Variants in RANGAP1 observed in about 807,000 individuals in gnomAD.
RANGAP1 encodes ran GTPase-activating protein 1.
In RANGAP1, 38 loss-of-function variants were observed where a neutral mutation model predicts 63.5. The observed-to-expected ratio is 0.60, with a 90% CI of 0.46 to 0.78. RANGAP1 has a LOEUF of 0.78. RANGAP1 is among the 30% of genes least tolerant of loss of function. The pLI, the probability that RANGAP1 is intolerant of heterozygous loss-of-function variation, is 0.00. For synonymous variants in RANGAP1, 329 were observed against 310.5 expected, an observed-to-expected ratio of 1.06 and a Z score of -0.63; for missense variants, 630 against 740.3, an observed-to-expected ratio of 0.85 and a Z score of 1.73.
chr22:41,277,915 C>G (rs1252236154), intron 2 of RANGAP1, among the ~76,000 whole-genome samples: 3 of 152,086 alleles, frequency 2.0e-5, no homozygotes, highest in Non-Finnish European at 2.9e-5. Flanking sequence ...AGATTTGCTG[C>G]TTCTTAGGAG....
chr22:41,293,973 T>G, the RANGAP1 span, among the ~76,000 whole-genome samples: 1 of 151,888 alleles, frequency 6.6e-6, no homozygotes, highest in Non-Finnish European at 1.5e-5. Context: ...CACCTAACTT[T>G]TTCGTTAAAA....
At chr22:41,299,375 A>G in the RANGAP1 span, among the ~76,000 whole-genome samples, 1 of 151,104 alleles carries the variant, frequency 6.6e-6, no homozygotes, top group East Asian at 2.0e-4. Context: ...CTTGTGATCC[A>G]CCCGCCTCGG....
At chr22:41,271,329 A>T (rs560173770) in intron 3 of RANGAP1, among the ~76,000 whole-genome samples, 3 of 148,658 alleles carry the variant, frequency 2.0e-5, no homozygotes, top group African/African-American at 7.3e-5. Context: ...GCAAGGCTGC[A>T]GCAAGCTATG....
rs775500500 is a variant in RANGAP1, at chr22:41,264,784, G to A, written c.360C>T (p.Ser120=). The A allele has an allele frequency of 2.4e-5, 39 of 1,613,780 alleles. No individual in the cohort carries two copies. Among genetic ancestry groups the A allele is most frequent in the Admixed American group, 2.0e-4 (12 of 60,000 alleles). The change falls in exon 5 of 16, where the codon AGC becomes AGT. Residue 120 remains serine, a synonymous_variant. Coordinates refer to ENST00000356244, the MANE Select transcript of RANGAP1 (RefSeq NM_002883.4). ...AGAQLVELDL[S]DNAFGPDGVQ... is the part of the protein sequence containing the mutation. ...CACCGTCGGGCCCGAATGCGTTGTC[G>A]CTTAAGTCCAGCTCCACCAGCTGAG...
At chr22:41,282,975 T>TC (rs1162633607) in intron 1 of RANGAP1, among the ~76,000 whole-genome samples, 1 of 152,126 alleles carries the variant, frequency 6.6e-6, no homozygotes, top group Non-Finnish European at 1.5e-5. Context: ...CCCTGAATCC[T>TC]CCCACCCCTA....
the RANGAP1 span, among the ~76,000 whole-genome samples, chr22:41,293,420 A>C: frequency 1.3e-5 from 2 of 151,944 alleles, no homozygotes; most frequent in Non-Finnish European, 2.9e-5. Context: ...TCAAAAGTAA[A>C]TAAATAAATA....
At position 41,258,100 on chromosome 22, in the gene RANGAP1, C is replaced by T. The variant is rs748859568; in HGVS notation, c.622G>A (p.Gly208Arg). 38 of 1,605,278 alleles carry T rather than the reference C, an allele frequency of 2.4e-5. No individual in the cohort carries two copies. Among genetic ancestry groups the T allele is most frequent in the Admixed American group, 1.9e-4 (11 of 59,292 alleles). Residue 208 changes from glycine (G) to arginine (R), a missense_variant, in exon 7 of 16, where the codon GGG becomes AGG. By Grantham distance (125) the Gly-to-Arg change is moderately radical. Around this residue, in one of 3 missense-constraint regions of RANGAP1, gnomAD observed 137 missense variants for 214.3 expected, o/e 0.64. Transcript: ENST00000356244. ...TALAEAFRVI[G>R]TLEEVHMPQN... The stretch of plus-strand genomic sequence containing the variant: ...GGCATGTGGACCTCCTCCAGGGTCC[C>T]GATGACCTGTGAAGAGGAGGCAGAG...
At position 41,252,949 on chromosome 22, in the gene RANGAP1, A is replaced by C. The variant is rs763423763; in HGVS notation, c.1303T>G (p.Ser435Ala). 1.9e-6 allele frequency: 3 copies of C among 1,547,132 alleles called. No homozygotes were observed. In the East Asian group the frequency reaches 7.6e-5, roughly 39 times the overall value. ...VLSSPPPADV[S>A]TFLAFPSPEK... ...GGAGAGGGAAAAGCCAGGAAGGTGGAGACGTCTGCAGGAGGTGGGGAGGAC... is the reference window on the plus strand; with the variant it reads ...GGAGAGGGAAAAGCCAGGAAGGTGGCGACGTCTGCAGGAGGTGGGGAGGAC... The change falls in exon 12 of 16, where the codon TCC (serine) becomes GCC (alanine). Residue 435 changes from serine (S) to alanine (A), a missense_variant. Physicochemically the swap from Ser to Ala is moderately conservative, Grantham distance 99. Coordinates refer to ENST00000356244, the MANE Select transcript of RANGAP1 (RefSeq NM_002883.4).
At chr22:41,278,828 C>A (rs887258877) in intron 2 of RANGAP1, among the ~76,000 whole-genome samples, 16 of 152,190 alleles carry the variant, frequency 1.1e-4, no homozygotes, top group African/African-American at 2.9e-4. Flanking sequence ...TGGCAAAACC[C>A]CGTCTCTACT....
chr22:41,270,516 C>T (rs577387889), intron 3 of RANGAP1, among the ~76,000 whole-genome samples: 7 of 152,282 alleles, frequency 4.6e-5, no homozygotes, highest in African/African-American at 1.2e-4. Flanking sequence ...CATGCAAACA[C>T]GGCTCACTGC....
rs2033883085 is a variant in RANGAP1 at position 41,257,005 on chromosome 22, C to T, written c.775-181G>A. On this transcript the variant is annotated intron_variant, in intron 7 of 15. Coordinates refer to ENST00000356244, the MANE Select transcript of RANGAP1 (RefSeq NM_002883.4). This position sits in a 1 kb window ranked among gnomAD's most constrained non-coding sequence, Gnocchi z 4.0. ...TCTGGGCCCCTGGCCAAACCTCCTC[C>T]ACCCCTCCCCATGTTACGGCCAGAA... 6.6e-6 allele frequency among the ~76,000 whole-genome samples: 1 copy of T among 151,902 alleles called. No homozygotes were observed. Among genetic ancestry groups the T allele is most frequent in the South Asian group, 2.1e-4 (1 of 4,812 alleles).
At chr22:41,284,888 C>T (rs1270390883) in intron 1 of RANGAP1, 1 of 152,166 alleles carries the variant, frequency 6.6e-6, no homozygotes, top group Non-Finnish European at 1.5e-5. Flanking sequence ...CAGCCCAGTG[C>T]AATAACTCAC....
chr22:41,252,853 G>C lies in RANGAP1; in HGVS notation c.1380+19C>G. On this transcript the variant is annotated intron_variant, in intron 12 of 15. Coordinates refer to ENST00000356244, the MANE Select transcript of RANGAP1 (RefSeq NM_002883.4). ...AAGCCACAGCACGTACAGCGTGGGG[G>C]TCGAGGGGTGGTTATTACCTGCTGG... The C allele has an allele frequency of 6.4e-7, 1 of 1,563,436 alleles. No individual in the cohort carries two copies. Among genetic ancestry groups the C allele is most frequent in the Non-Finnish European group, 8.6e-7 (1 of 1,156,266 alleles).
Position 41,257,060 on chromosome 22 carries a change from C to T in RANGAP1, c.775-236G>A, listed in dbSNP as rs2033886525. The stretch of plus-strand genomic sequence containing the variant: ...TCCTGAGACCAACCAAGCAAGGTTC[C>T]TGCTGAGCATCCGGGTCTTCCACAC... On this transcript the variant is annotated intron_variant, in intron 7 of 15. Coordinates refer to ENST00000356244, the MANE Select transcript of RANGAP1 (RefSeq NM_002883.4). The surrounding 1 kb of genome is among the most constrained non-coding windows in gnomAD (Gnocchi z 4.0). 6.6e-6 allele frequency among the ~76,000 whole-genome samples: 1 copy of T among 152,058 alleles called. No homozygotes were observed. Among genetic ancestry groups the T allele is most frequent in the South Asian group, 2.1e-4 (1 of 4,822 alleles).
rs144343100 is a variant in RANGAP1 at position 41,258,060 on chromosome 22, T to A, written c.662A>T (p.Asn221Ile). 2.5e-6 allele frequency: 4 copies of A among 1,613,282 alleles called. No individual in the cohort carries two copies. The highest frequency in any genetic ancestry group is 1.3e-5 in the African/African-American group (1 of 74,908). ...GGCCAGGGCAGTGATGCCAGGGTGG[T>A]TGATCCCATTCTGTGGCATGTGGAC... is the stretch of plus-strand genomic sequence containing the variant. Reference protein sequence around the residue: ...EEVHMPQNGINHPGITALAQA... With the variant: ...EEVHMPQNGIIHPGITALAQA... Residue 221 changes from asparagine (N) to isoleucine (I), a missense_variant, in exon 7 of 16, where the codon AAC becomes ATC. This residue lies in a region of RANGAP1 where 428 missense variants were observed against 465.5 expected (regional missense o/e 0.92). Coordinates refer to ENST00000356244, the MANE Select transcript of RANGAP1 (RefSeq NM_002883.4).
the RANGAP1 span, among the ~76,000 whole-genome samples, chr22:41,291,991 G>A: frequency 6.6e-6 from 1 of 151,576 alleles, no homozygotes; most frequent in Non-Finnish European, 1.5e-5. Context: ...GTGCAATCTC[G>A]GCTTCCTGAA....
At chr22:41,269,901 T>G (rs2034699530) in intron 3 of RANGAP1, among the ~76,000 whole-genome samples, 2 of 152,198 alleles carry the variant, frequency 1.3e-5, no homozygotes, top group Admixed American at 1.3e-4. Flanking sequence ...TGGAGCAATC[T>G]CGGCTCACTG....
rs768555248 is a variant in RANGAP1, at chr22:41,268,171, AGAG to A, written c.241-18_241-16del. ...CAGTGGCAGCGCTGCAACGGAAAGAAGAGAAGAGTTAGCGGGAGAGAGACCCCT... is the reference window on the plus strand; with the variant it reads ...CAGTGGCAGCGCTGCAACGGAAAGAAAAGAGTTAGCGGGAGAGAGACCCCT... On this transcript the variant is annotated splice_polypyrimidine_tract_variant and intron_variant, in intron 3 of 15. Transcript: ENST00000356244. 14 of 1,540,156 alleles carry A rather than the reference AGAG, an allele frequency of 9.1e-6. No homozygotes were observed. Among genetic ancestry groups the A allele is most frequent in the Admixed American group, 2.0e-5 (1 of 51,124 alleles).
intron 12 of RANGAP1, among the ~76,000 whole-genome samples, chr22:41,251,462 C>T (rs1223423181): frequency 5.3e-5 from 8 of 151,684 alleles, no homozygotes; most frequent in Non-Finnish European, 1.0e-4. Flanking sequence ...CCCATGTCAA[C>T]AAAAAGGAAA....
Sources: gnomAD v4.1 joint callset for allele counts (sites outside exome capture counted in the v4.1 genomes callset) on GRCh38, gnomAD v4.1.1 for gene constraint, gnomAD v4.1.1 regional missense constraint, Gnocchi (gnomAD v3.1) non-coding constraint, MANE v1.5 for transcripts, NCBI Gene and HGNC (gene_info 2026-07-23, HGNC 2026-07-21) for gene names.